SYN3: variants seen among roughly 807,000 people sequenced by gnomAD.
SYN3 encodes the protein synapsin-3.
Under a neutral mutation model 65.8 loss-of-function variants are expected in SYN3, and 35 were observed. The observed-to-expected ratio is 0.53, with a 90% CI of 0.41 to 0.70. The LOEUF is 0.70. Ranked by LOEUF, SYN3 falls within the 30% of genes least tolerant of loss-of-function variation. The pLI is 0.00. For missense variants in SYN3, 680 were observed against 749.0 expected (o/e 0.91, Z 1.08); for synonymous variants, 270 against 292.9 (o/e 0.92, Z 0.80).
chr22:32,887,042 T>C (rs149503442), intron 4 of SYN3, among the ~76,000 whole-genome samples: 1 of 152,294 alleles, frequency 6.6e-6, no homozygotes, highest in African/African-American at 2.4e-5. Context: ...AGATGTATTC[T>C]TGTTCTCCCT....
chr22:32,628,146 G>A (rs1287983055), intron 6 of SYN3, among the ~76,000 whole-genome samples: 1 of 152,072 alleles, frequency 6.6e-6, no homozygotes, highest in Non-Finnish European at 1.5e-5. Context: ...TTTACCAGGG[G>A]TCCAGGGAGC....
intron 4 of SYN3, among the ~76,000 whole-genome samples, chr22:32,877,693 C>T (rs1231618851): frequency 6.6e-6 from 1 of 152,132 alleles, no homozygotes; most frequent in African/African-American, 2.4e-5. Context: ...TGATCACTGT[C>T]CCCCTTCTCC....
intron 1 of SYN3, among the ~76,000 whole-genome samples, chr22:33,008,937 A>G (rs1411200208): frequency 1.3e-5 from 1 of 75,860 alleles, no homozygotes; most frequent in African/African-American, 6.8e-5. Context: ...AAAAAAAAAA[A>G]AAAAAAAAAA....
intron 6 of SYN3, among the ~76,000 whole-genome samples, chr22:32,618,261 G>A (rs1279149340): frequency 6.6e-6 from 1 of 152,112 alleles, no homozygotes; most frequent in Non-Finnish European, 1.5e-5. Context: ...GAAATTGTAG[G>A]AAACTGATGC....
chr22:32,801,997 C>A lies in SYN3; in HGVS notation c.711+62918G>T. ...GCAGCCCCGGCAGCGGCGGCAGCAG[C>A]GGCAATGACCCCTTGGCTCGGGCTC... On this transcript the variant is annotated intron_variant, in intron 6 of 13. Coordinates refer to ENST00000358763, the MANE Select transcript of SYN3 (RefSeq NM_003490.4). This position sits in a 1 kb window ranked among gnomAD's most constrained non-coding sequence, Gnocchi z 4.7. 1 of 1,584,282 alleles carries A rather than the reference C, an allele frequency of 6.3e-7. No individual in the cohort carries two copies. Among genetic ancestry groups the A allele is most frequent in the Non-Finnish European group, 8.5e-7 (1 of 1,171,566 alleles).
intron 4 of SYN3, among the ~76,000 whole-genome samples, chr22:32,917,902 T>C (rs1208456353): frequency 1.3e-5 from 2 of 152,234 alleles, no homozygotes; most frequent in African/African-American, 4.8e-5. Context: ...CCAGGGATCC[T>C]GCTTTCTCCG....
intron 4 of SYN3, among the ~76,000 whole-genome samples, chr22:32,878,656 G>A (rs1417561663): frequency 1.3e-5 from 2 of 152,226 alleles, no homozygotes; most frequent in African/African-American, 4.8e-5. Flanking sequence ...AAGCACATAA[G>A]AATATCCTTC....
At chr22:32,655,605 T>C (rs1316019899) in intron 6 of SYN3, among the ~76,000 whole-genome samples, 1 of 152,140 alleles carries the variant, frequency 6.6e-6, no homozygotes, top group Non-Finnish European at 1.5e-5. Context: ...GTGGACCCTA[T>C]TGTGAACCAT....
intron 12 of SYN3, among the ~76,000 whole-genome samples, chr22:32,523,273 G>GT (rs1194332057): frequency 6.6e-6 from 1 of 152,200 alleles, no homozygotes; most frequent in East Asian, 1.9e-4. Flanking sequence ...AGCACTTTGG[G>GT]AGGCCAAGGC....
At chr22:32,665,043 G>A (rs2060271957) in intron 6 of SYN3, among the ~76,000 whole-genome samples, 1 of 119,252 alleles carries the variant, frequency 8.4e-6, no homozygotes, top group South Asian at 2.7e-4. Flanking sequence ...CTGTCACCCA[G>A]GTTAGAGTGC....
intron 6 of SYN3, among the ~76,000 whole-genome samples, chr22:32,730,925 T>A (rs958674054): frequency 1.3e-5 from 2 of 152,138 alleles, no homozygotes; most frequent in Non-Finnish European, 2.9e-5. Context: ...TGTCACCCTG[T>A]ATGTGTCACC....
intron 6 of SYN3, among the ~76,000 whole-genome samples, chr22:32,797,466 A>G (rs1439071943): frequency 6.6e-6 from 1 of 152,192 alleles, no homozygotes; most frequent in East Asian, 1.9e-4. Context: ...AGGAGGTGAC[A>G]TCTAAGCTGA....
At chr22:32,761,445 G>T (rs534966595) in intron 6 of SYN3, among the ~76,000 whole-genome samples, 2 of 152,312 alleles carry the variant, frequency 1.3e-5, no homozygotes, top group South Asian at 4.1e-4. Context: ...AACACCCCAG[G>T]GCAGGTCACT....
At chr22:32,730,382 CTGCCTTTAG>C (rs1292401952) in intron 6 of SYN3, among the ~76,000 whole-genome samples, 3 of 152,224 alleles carry the variant, frequency 2.0e-5, no homozygotes, top group Non-Finnish European at 4.4e-5. Context: ...CCATGTGCTT[CTGCCTTTAG>C]AATGGGCTAG....
chr22:32,607,419 C>A (rs1273590754), intron 6 of SYN3, among the ~76,000 whole-genome samples: 1 of 152,130 alleles, frequency 6.6e-6, no homozygotes. Context: ...CACCACCCGC[C>A]CAGGTGCCCA....
chr22:33,043,495 CTGAGA>C (rs1457114772), intron 1 of SYN3, among the ~76,000 whole-genome samples: 1 of 152,102 alleles, frequency 6.6e-6, no homozygotes, highest in East Asian at 1.9e-4. Flanking sequence ...TTGGAGTGAG[CTGAGA>C]TCACGCCATT....
intron 6 of SYN3, among the ~76,000 whole-genome samples, chr22:32,686,274 G>C (rs1255270972): frequency 6.6e-6 from 1 of 152,126 alleles, no homozygotes; most frequent in African/African-American, 2.4e-5. Context: ...AAGGGGATGA[G>C]GGTCCTGGAG....
At chr22:32,584,656 T>TCTGTTC (rs2058997680) in intron 7 of SYN3, among the ~76,000 whole-genome samples, 2 of 152,188 alleles carry the variant, frequency 1.3e-5, no homozygotes, top group Non-Finnish European at 2.9e-5. Context: ...TCCAAATGAG[T>TCTGTTC]CTGTTCCTGG....
chr22:32,857,423 G>C (rs1181397961), intron 6 of SYN3: 1 of 1,235,696 alleles, frequency 8.1e-7, no homozygotes, highest in Non-Finnish European at 1.2e-6. Flanking sequence ...CTTGACTTCA[G>C]AAGAACACAT....
Sources: allele counts gnomAD v4.1 joint callset (sites outside exome capture counted in the v4.1 genomes callset), GRCh38; gene constraint gnomAD v4.1.1; non-coding constraint Gnocchi (gnomAD v3.1); transcripts MANE v1.5; gene names NCBI Gene and HGNC (gene_info 2026-07-23, HGNC 2026-07-21).